The following ESYT1 variants were observed in gnomAD, a reference collection of about 807,000 sequenced individuals.
ESYT1 encodes extended synaptotagmin-1.
ESYT1 carries 116 observed loss-of-function variants against 154.2 expected under a neutral mutation model. That is an observed-to-expected ratio of 0.75 (90% CI 0.65 to 0.88). The LOEUF (loss-of-function observed/expected upper bound fraction) is 0.88. Ranked by LOEUF, ESYT1 falls within the 40% of genes least tolerant of loss-of-function variation. The pLI is 0.00. For synonymous variants in ESYT1, 500 were observed against 539.9 expected (o/e 0.93, Z 1.02); for missense variants, 1,264 against 1,379.3 (o/e 0.92, Z 1.32).
At chr12:56,135,708 A>C (rs1318476773) in intron 15 of ESYT1, among the ~76,000 whole-genome samples, 4 of 151,710 alleles carry the variant, frequency 2.6e-5, no homozygotes, top group Admixed American at 1.3e-4. Context: ...CCTGGTCAGC[A>C]TGGTGAAACC....
rs1213893967 is a variant in ESYT1, at chr12:56,138,479, G to A, written c.2413G>A (p.Glu805Lys). 6 of 1,610,064 alleles carry A rather than the reference G, an allele frequency of 3.7e-6. No individual in the cohort carries two copies. Among genetic ancestry groups the A allele is most frequent in the African/African-American group, 1.3e-5 (1 of 74,886 alleles). The change falls in exon 22 of 31, where the codon GAG (glutamate) becomes AAG (lysine). Residue 805 changes from glutamate (E) to lysine (K), a missense_variant. Coordinates refer to ENST00000394048, the MANE Select transcript of ESYT1 (RefSeq NM_015292.3). ...TGCGGCCCTGCTATCCATCTATATG[G>A]AGCGGGCAGAGGACCTCCCGGTGAG... ...LAAALLSIYM[E>K]RAEDLPLRKG...
rs1432769538 is a variant in ESYT1, at chr12:56,142,595, C to T, written c.2751C>T (p.His917=). 1.9e-6 allele frequency: 3 copies of T among 1,614,154 alleles called. No homozygotes were observed. The Admixed American group carries it at 5.0e-5, about 27-fold the overall frequency. The change falls in exon 26 of 31, where the codon CAC becomes CAT. Residue 917 remains histidine (H), a synonymous_variant. Coordinates refer to ENST00000394048, the MANE Select transcript of ESYT1 (RefSeq NM_015292.3). The surrounding 1 kb of genome is among the most constrained non-coding windows in gnomAD (Gnocchi z 4.1). ...GCCCCTAGATCCTGGTGTCCCAGCA[C>T]TCGGGAGTGGAAGCTCATAGCCACA... ...RAQLGILVSQ[H]SGVEAHSHSY...
chr12:56,142,919 T>C lies in ESYT1; in HGVS notation c.2973T>C (p.Ile991=), dbSNP rs1592250968. Residue 991 remains isoleucine, a synonymous_variant, in exon 27 of 31, where the codon ATT becomes ATC. Transcript: ENST00000394048. This position sits in a 1 kb window ranked among gnomAD's most constrained non-coding sequence, Gnocchi z 4.1. The part of the protein sequence containing the change: ...YYSEERKLVS[I]VHGCRSLRQN... ...GTGAAGAACGAAAGCTGGTCAGCATTGTTCATGGTTGCCGGTGAGACCCCA... is the reference window on the plus strand; with the variant it reads ...GTGAAGAACGAAAGCTGGTCAGCATCGTTCATGGTTGCCGGTGAGACCCCA... 6.2e-7 allele frequency: 1 copy of C among 1,614,164 alleles called. No homozygotes were observed.
In ESYT1 at chr12:56,143,944, G is replaced by A; in HGVS notation, c.*82G>A. 1 of 1,608,054 alleles carries A rather than the reference G, an allele frequency of 6.2e-7. No homozygotes were observed. Among genetic ancestry groups the A allele is most frequent in the Non-Finnish European group, 8.5e-7 (1 of 1,179,246 alleles). The stretch of plus-strand genomic sequence containing the variant: ...ACCGCCTCAATGTGATGAGCCTAAA[G>A]CTAGGGTCCAAGGGCAGAGCCTGTG... On this transcript the variant is annotated 3_prime_UTR_variant, in exon 31 of 31. Transcript: ENST00000394048.
In ESYT1 at chr12:56,133,886, G is replaced by A; in HGVS notation, c.1473+13G>A. 6.2e-7 allele frequency: 1 copy of A among 1,612,882 alleles called. No individual in the cohort carries two copies. The highest frequency in any genetic ancestry group is 1.3e-5 in the African/African-American group (1 of 75,006). On this transcript the variant is annotated intron_variant, in intron 13 of 30. Transcript: ENST00000394048. Reference sequence around the variant, plus strand: ...CCAGGATCTTCCTGTGAGTTTGGCTGGGTGAACAGGAGCCCTGGATGTAAC... The same window carrying A: ...CCAGGATCTTCCTGTGAGTTTGGCTAGGTGAACAGGAGCCCTGGATGTAAC...
At chr12:56,130,492 TCTC>T in intron 1 of ESYT1, 87 bp from the exon 2 acceptor site, 3 of 1,517,372 alleles carry the variant, frequency 2.0e-6, no homozygotes, top group Middle Eastern at 2.3e-4. Flanking sequence ...ACACACTCCC[TCTC>T]CTCTGTGGCA....
rs1484407596 is a variant in ESYT1, at chr12:56,142,552, C to G, written c.2734-26C>G. 6.2e-7 allele frequency: 1 copy of G among 1,614,058 alleles called. No individual in the cohort carries two copies. Among genetic ancestry groups the G allele is most frequent in the Admixed American group, 1.7e-5 (1 of 60,016 alleles). ...AGTGAGGGAACTGAGAGAACTCTGC[C>G]CAGCTCACAGCTTTCTTGCCCCTAG... On this transcript the variant is annotated intron_variant, in intron 25 of 30. Transcript: ENST00000394048. The surrounding 1 kb of genome is among the most constrained non-coding windows in gnomAD (Gnocchi z 4.1).
At position 56,144,406 on chromosome 12, in the gene ESYT1, G is replaced by T. The variant is rs1870838098; in HGVS notation, c.*544G>T. 1 of 988,712 alleles carries T rather than the reference G, an allele frequency of 1.0e-6. No individual in the cohort carries two copies. The highest frequency in any genetic ancestry group is 1.7e-5 in the African/African-American group (1 of 57,352). The allele number at this position is 988,712 out of a possible 1,614,324, so 61.2% of individuals were successfully genotyped here. ...TCAACCCTGTCCTGAAAATTCTACT[G>T]CTTTGATGGCTGGGGCCAGTCTCTT... On this transcript the variant is annotated 3_prime_UTR_variant, in exon 31 of 31. Coordinates refer to ENST00000394048, the MANE Select transcript of ESYT1 (RefSeq NM_015292.3).
Position 56,132,615 on chromosome 12 carries a change from C to T in ESYT1, c.1161+18C>T. 1.9e-6 allele frequency: 3 copies of T among 1,614,110 alleles called. No homozygotes were observed. The highest frequency in any genetic ancestry group is 2.5e-6 in the Non-Finnish European group (3 of 1,180,008). Reference sequence around the variant, plus strand: ...CTTATGAGGTGGGAGAGTTGAGCAGCTCTGTGAAATGGGGAAGCCCCAGGA... The same window carrying T: ...CTTATGAGGTGGGAGAGTTGAGCAGTTCTGTGAAATGGGGAAGCCCCAGGA... On this transcript the variant is annotated intron_variant, in intron 9 of 30. Transcript: ENST00000394048.
At position 56,133,609 on chromosome 12, in the gene ESYT1, C is replaced by T. The variant is rs1162136660; in HGVS notation, c.1315C>T (p.Gln439Ter). The change falls in exon 12 of 31, where the codon CAA becomes TAA. Residue 439 changes from glutamine (Q) to a stop codon, truncating the protein, a stop_gained. Coordinates refer to ENST00000394048, the MANE Select transcript of ESYT1 (RefSeq NM_015292.3). LOFTEE classifies it high-confidence loss of function. The part of the protein sequence containing the change: ...LDDWFPLQGG[Q>*]GQVHLRLEWL... ...CTAGTGGTTCCCTCTACAAGGTGGG[C>T]AAGGCCAAGTTCACTTGAGGCTAGA... The T allele has an allele frequency of 3.7e-6, 6 of 1,614,190 alleles. No homozygotes were observed. The highest frequency in any genetic ancestry group is 5.1e-6 in the Non-Finnish European group (6 of 1,180,034).
chr12:56,144,032 C>T lies in ESYT1; in HGVS notation c.*170C>T, dbSNP rs1442308575. 15 of 1,474,744 alleles carry T rather than the reference C, an allele frequency of 1.0e-5. No homozygotes were observed. Among genetic ancestry groups the T allele is most frequent in the East Asian group, 9.7e-5 (4 of 41,098 alleles). The allele number at this position is 1,474,744 out of a possible 1,614,324, so 91.4% of individuals were successfully genotyped here. A position where few individuals can be genotyped will look rare whatever the true frequency, so the allele number is the denominator to read the frequency against. On this transcript the variant is annotated 3_prime_UTR_variant, in exon 31 of 31. Transcript: ENST00000394048. ...CCTTTGCCTGACCAAAGAGAAGAAC[C>T]GTATGTTCCCTTTACTGCACGGCCT... is the stretch of plus-strand genomic sequence containing the variant.
At chr12:56,138,326 C>T in intron 21 of ESYT1, 54 bp downstream of exon 21, 1 of 1,612,592 alleles carries the variant, frequency 6.2e-7, no homozygotes, top group Non-Finnish European at 8.5e-7. Context: ...AGGATGAGCT[C>T]TTCTCTTAGC....
intron 14 of ESYT1, 46 bp from the exon 15 acceptor site, chr12:56,134,296 A>C (rs1339305033): frequency 6.2e-7 from 1 of 1,602,396 alleles, no homozygotes; most frequent in African/African-American, 1.3e-5. Flanking sequence ...CAGAAACAGG[A>C]ATGGTGCTGT....
chr12:56,128,608 G>A lies in ESYT1; in HGVS notation c.289G>A (p.Glu97Lys), dbSNP rs1870099891. ...LYLGWRRVRD[E>K]KERSLRAARQ... ...CCTGGGCTGGCGCCGGGTCCGCGAC[G>A]AGAAAGAACGGAGCCTTCGAGCAGC... The change falls in exon 1 of 31, where the codon GAG (glutamate) becomes AAG (lysine). Residue 97 changes from glutamate (E) to lysine (K), a missense_variant. Glu to Lys is a moderately conservative substitution (Grantham distance 56). Coordinates refer to ENST00000394048, the MANE Select transcript of ESYT1 (RefSeq NM_015292.3). 1.2e-6 allele frequency: 2 copies of A among 1,614,170 alleles called. No homozygotes were observed. Among genetic ancestry groups the A allele is most frequent in the Non-Finnish European group, 1.7e-6 (2 of 1,180,006 alleles).
Position 56,142,220 on chromosome 12 carries a change from A to T in ESYT1, c.2593-65A>T. The T allele has an allele frequency of 6.3e-7, 1 of 1,583,552 alleles. No homozygotes were observed. The highest frequency in any genetic ancestry group is 1.7e-5 in the Admixed American group (1 of 58,172). On this transcript the variant is annotated intron_variant, in intron 24 of 30. Transcript: ENST00000394048. This position sits in a 1 kb window ranked among gnomAD's most constrained non-coding sequence, Gnocchi z 4.1. ...ATGAGTCCAAGCGTTTGGACCTTTA[A>T]AACACCAGGATTAACTCATTTGTTG...
chr12:56,140,889 CTG>C (rs1442867391), intron 24 of ESYT1, among the ~76,000 whole-genome samples: 2 of 152,062 alleles, frequency 1.3e-5, no homozygotes, highest in African/African-American at 4.8e-5. Context: ...GACACTAACT[CTG>C]GGGTTTTTGG....
At chr12:56,139,442 C>T (rs1178525910) in intron 24 of ESYT1, among the ~76,000 whole-genome samples, 2 of 151,688 alleles carry the variant, frequency 1.3e-5, no homozygotes, top group African/African-American at 2.4e-5. Context: ...TTATGGAGCT[C>T]ACACTCTGTT....
At chr12:56,131,007 C>G in intron 3 of ESYT1, 33 bp from the exon 4 acceptor site, 1 of 1,614,126 alleles carries the variant, frequency 6.2e-7, no homozygotes, top group Non-Finnish European at 8.5e-7. Flanking sequence ...TCTCCCTATC[C>G]CTGCCCTCTC....
chr12:56,137,150 C>G, intron 16 of ESYT1, 68 bp from the exon 17 acceptor site: 6 of 1,586,304 alleles, frequency 3.8e-6, no homozygotes, highest in Non-Finnish European at 5.2e-6. Flanking sequence ...CTCTACCCCA[C>G]CCCACATGCT....
Sources: allele counts gnomAD v4.1 joint callset (sites outside exome capture counted in the v4.1 genomes callset), GRCh38; gene constraint gnomAD v4.1.1; non-coding constraint Gnocchi (gnomAD v3.1); transcripts MANE v1.5; gene names NCBI Gene and HGNC (gene_info 2026-07-23, HGNC 2026-07-21).